The following TGM5 variants were observed in gnomAD, a reference collection of about 807,000 sequenced individuals.
TGM5 encodes transglutaminase 5, also known as protein-glutamine gamma-glutamyltransferase 5.
In TGM5, 69 loss-of-function variants were observed where a neutral mutation model predicts 77.2. The ratio of observed to expected loss-of-function variants is 0.89; its 90% confidence interval spans 0.74 to 1.09. The LOEUF is 1.09. Among genes scored for constraint, TGM5 ranks in the 50% least tolerant of loss-of-function variants. TGM5 has a pLI of 0.00. For synonymous variants in TGM5, 346 were observed against 351.8 expected, an observed-to-expected ratio of 0.98 and a Z score of 0.18; for missense variants, 842 against 896.5, an observed-to-expected ratio of 0.94 and a Z score of 0.78.
At chr15:43,248,533 A>G (rs532980990) in intron 6 of TGM5, among the ~76,000 whole-genome samples, 1 of 152,364 alleles carries the variant, frequency 6.6e-6, no homozygotes, top group South Asian at 2.1e-4. Flanking sequence ...AGATTAAAAC[A>G]GTACCAGACT....
Position 43,235,713 on chromosome 15 carries a change from G to A in TGM5, c.1470C>T (p.Ser490=). The change falls in exon 10 of 13, where the codon AGC becomes AGT. Residue 490 remains serine, a synonymous_variant. Coordinates refer to ENST00000220420, the MANE Select transcript of TGM5 (RefSeq NM_201631.4). ...GGGAAGGTGTATGCAGGCTCCGAGG[G>A]CTGTCCTGGCTCAGTGATGTGGGCC... The part of the protein sequence containing the change: ...PSRPTSLSQD[S]PRSLHTPSLR... 2 of 1,614,218 alleles carry A rather than the reference G, an allele frequency of 1.2e-6. No homozygotes were observed. Among genetic ancestry groups the A allele is most frequent in the Admixed American group, 3.3e-5 (2 of 60,028 alleles).
chr15:43,261,092 T>G (rs1018899169), intron 1 of TGM5, among the ~76,000 whole-genome samples: 6 of 127,996 alleles, frequency 4.7e-5, no homozygotes, highest in African/African-American at 1.5e-4. Flanking sequence ...TTTTTTTTTT[T>G]TTTTTTTTTT....
rs751129781 is a variant in TGM5, at chr15:43,260,094, G to A, written c.394C>T (p.Gln132Ter). The change falls in exon 3 of 13, where the codon CAG becomes TAG. Residue 132 changes from glutamine (Q) to a stop codon, truncating the protein, a stop_gained. Coordinates refer to ENST00000220420, the MANE Select transcript of TGM5 (RefSeq NM_201631.4). LOFTEE classifies it high-confidence loss of function. ...DSFQGSVTAY[Q>*]LGEFILLFNP... ...AAAAGCAGGATGAACTCCCCTAGCTGGTAGGCCGTCACAGACCCCTGGAAG... is the reference window on the plus strand; with the variant it reads ...AAAAGCAGGATGAACTCCCCTAGCTAGTAGGCCGTCACAGACCCCTGGAAG... The A allele has an allele frequency of 6.2e-7, 1 of 1,614,004 alleles. No individual in the cohort carries two copies. The highest frequency in any genetic ancestry group is 1.3e-5 in the African/African-American group (1 of 74,930).
At chr15:43,245,078 G>A (rs566098501) in intron 6 of TGM5, among the ~76,000 whole-genome samples, 17 of 151,892 alleles carry the variant, frequency 1.1e-4, no homozygotes, top group South Asian at 4.2e-4. Flanking sequence ...GTGAGATCCT[G>A]TCTAAAATAA....
chr15:43,249,491 T>G (rs1300090241), intron 6 of TGM5, among the ~76,000 whole-genome samples: 2 of 152,250 alleles, frequency 1.3e-5, no homozygotes, highest in Non-Finnish European at 2.9e-5. Context: ...TTGCCTGCTC[T>G]GGACATTTCA....
chr15:43,236,968 CAA>C (rs1015479664), intron 9 of TGM5, among the ~76,000 whole-genome samples: 13 of 61,284 alleles, frequency 2.1e-4, no homozygotes, highest in South Asian at 5.7e-4. Context: ...GACTCTGTCT[CAA>C]AAAAAAAAAA....
rs564819200 is a variant in TGM5, at chr15:43,234,898, G to C, written c.1746C>G (p.Ser582=). Residue 582 remains serine (S), a synonymous_variant, in exon 11 of 13, where the codon TCC becomes TCG. Transcript: ENST00000220420. ...CTGTTGACAGGTACTGGCTGTACTGGGAATAGGAGATTTTGCAGGGGTAGG... is the reference window on the plus strand; with the variant it reads ...CTGTTGACAGGTACTGGCTGTACTGCGAATAGGAGATTTTGCAGGGGTAGG... ...AKTYPCKISY[S]QYSQYLSTDK... 8.5e-5 allele frequency: 138 copies of C among 1,614,176 alleles called. 2 individuals are homozygous for C. The South Asian group carries it at 1.4e-3, about 17-fold the overall frequency.
At chr15:43,259,816 T>TAAC (rs1313773775) in intron 3 of TGM5, among the ~76,000 whole-genome samples, 1 of 152,274 alleles carries the variant, frequency 6.6e-6, no homozygotes, top group Non-Finnish European at 1.5e-5. Flanking sequence ...AACTTAATTG[T>TAAC]AACAGTTTTT....
At position 43,235,674 on chromosome 15, in the gene TGM5, A is replaced by G. The variant is rs771564034; in HGVS notation, c.1509T>C (p.Asp503=). Residue 503 remains aspartate (D), a synonymous_variant, in exon 10 of 13, where the codon GAT becomes GAC. Coordinates refer to ENST00000220420, the MANE Select transcript of TGM5 (RefSeq NM_201631.4). ...SLHTPSLRPS[D]VVQVSLKFKL... ...TGAATTTCAGGGAGACTTGCACCAC[A>G]TCACTGGGTCGAAGGGAAGGTGTAT... The G allele has an allele frequency of 1.2e-6, 2 of 1,614,190 alleles. No homozygotes were observed. The highest frequency in any genetic ancestry group is 1.1e-5 in the South Asian group (1 of 91,084).
intron 6 of TGM5, chr15:43,247,834 T>C (rs913264868): frequency 1.3e-5 from 2 of 152,110 alleles, no homozygotes; most frequent in African/African-American, 4.8e-5. Context: ...ACAAATACAA[T>C]AGATGAAACC....
rs754852891 is a variant in TGM5 at position 43,256,552 on chromosome 15, C to T, written c.555+16G>A. The T allele has an allele frequency of 1.2e-6, 2 of 1,602,840 alleles. No individual in the cohort carries two copies. The highest frequency in any genetic ancestry group is 4.5e-5 in the East Asian group (2 of 44,808). On this transcript the variant is annotated intron_variant, in intron 4 of 12. Coordinates refer to ENST00000220420, the MANE Select transcript of TGM5 (RefSeq NM_201631.4). The stretch of plus-strand genomic sequence containing the variant: ...GCTCGGGGCCGGGATGGGCCATAAG[C>T]AGGGCTGAGACTCACCTGTCCATAG...
chr15:43,248,249 T>C (rs1014108282), intron 6 of TGM5, among the ~76,000 whole-genome samples: 9 of 152,352 alleles, frequency 5.9e-5, no homozygotes, highest in African/African-American at 2.2e-4. Context: ...TTCAGCTCAC[T>C]GCAAGCTCCA....
intron 4 of TGM5, 70 bp downstream of exon 4, chr15:43,256,498 C>A: frequency 8.4e-7 from 1 of 1,190,052 alleles, no homozygotes; most frequent in Non-Finnish European, 1.3e-6. Context: ...AGGTGAAGCT[C>A]ACATGTGCCC....
intron 6 of TGM5, among the ~76,000 whole-genome samples, chr15:43,244,558 G>A (rs554844546): frequency 4.6e-5 from 7 of 152,322 alleles, no homozygotes; most frequent in African/African-American, 1.4e-4. Flanking sequence ...TCAGAGTTGG[G>A]AAGGGACCAC....
At chr15:43,243,252 T>A (rs1473749257) in intron 6 of TGM5, among the ~76,000 whole-genome samples, 1 of 152,234 alleles carries the variant, frequency 6.6e-6, no homozygotes, top group Admixed American at 6.5e-5. Flanking sequence ...GCAAGGCCCA[T>A]TTTGCATCTT....
At chr15:43,245,224 CTT>C (rs768483081) in intron 6 of TGM5, among the ~76,000 whole-genome samples, 3 of 152,132 alleles carry the variant, frequency 2.0e-5, no homozygotes, top group Non-Finnish European at 4.4e-5. Context: ...ATTCAGTTAG[CTT>C]TACTGCCACA....
At position 43,260,280 on chromosome 15, in the gene TGM5, C is replaced by G. The variant is rs764613645; in HGVS notation, c.208G>C (p.Ala70Pro). ...VVETGPLPDL[A>P]LGTRAVFSLA... ...CTGAACACAGCCCGAGTCCCCAAGGCCAGGTCTGGCAGCGGTCCTAGGAGG... is the reference window on the plus strand; with the variant it reads ...CTGAACACAGCCCGAGTCCCCAAGGGCAGGTCTGGCAGCGGTCCTAGGAGG... The change falls in exon 3 of 13, where the codon GCC becomes CCC. Residue 70 changes from alanine (A) to proline (P), a missense_variant. By Grantham distance (27) the Ala-to-Pro change is conservative (BLOSUM62 -1). Coordinates refer to ENST00000220420, the MANE Select transcript of TGM5 (RefSeq NM_201631.4). 6.2e-7 allele frequency: 1 copy of G among 1,614,086 alleles called. No homozygotes were observed. Among genetic ancestry groups the G allele is most frequent in the Non-Finnish European group, 8.5e-7 (1 of 1,180,016 alleles).
intron 3 of TGM5, among the ~76,000 whole-genome samples, chr15:43,257,808 G>A (rs139457688): frequency 0.016 from 2,392 of 152,278 alleles, 51 homozygotes; most frequent in African/African-American, 0.054. Flanking sequence ...ATCCATAATA[G>A]CAAAGACTTG....
At chr15:43,251,687 C>G (rs1047589943) in intron 6 of TGM5, among the ~76,000 whole-genome samples, 1 of 152,152 alleles carries the variant, frequency 6.6e-6, no homozygotes, top group Non-Finnish European at 1.5e-5. Context: ...GGTGAGGACC[C>G]GGAGCAAGTG....
Sources: allele counts gnomAD v4.1 joint callset (sites outside exome capture counted in the v4.1 genomes callset), GRCh38; gene constraint gnomAD v4.1.1; transcripts MANE v1.5; gene names NCBI Gene and HGNC (gene_info 2026-07-23, HGNC 2026-07-21).